Variants in CEMIP observed in about 807,000 individuals in gnomAD.
The protein encoded by CEMIP is cell migration inducing hyaluronidase 1, also known as cell migration-inducing and hyaluronan-binding protein.
Under a neutral mutation model 156.9 loss-of-function variants are expected in CEMIP, and 105 were observed. The observed-to-expected ratio is 0.67, with a 90% confidence interval of 0.57 to 0.79. The LOEUF (loss-of-function observed/expected upper bound fraction) is 0.79, where lower values mean the gene tolerates loss of function less well. Ranked by LOEUF, CEMIP falls within the 30% of genes least tolerant of loss-of-function variation. CEMIP has a pLI of 0.00. For synonymous variants in CEMIP, 676 were observed against 668.4 expected, an observed-to-expected ratio of 1.01 and a Z score of -0.17; for missense variants, 1,457 against 1,769.4, an observed-to-expected ratio of 0.82 and a Z score of 3.17.
chr15:80,883,754 G>A (rs1344445964), intron 6 of CEMIP, among the ~76,000 whole-genome samples: 2 of 152,180 alleles, frequency 1.3e-5, no homozygotes, highest in African/African-American at 4.8e-5. Flanking sequence ...ACTCGGATCA[G>A]AGATATAAAT....
At chr15:80,882,038 G>A (rs1898679166) in intron 6 of CEMIP, among the ~76,000 whole-genome samples, 1 of 152,186 alleles carries the variant, frequency 6.6e-6, no homozygotes, top group African/African-American at 2.4e-5. Flanking sequence ...GACAAACAGA[G>A]ACAGAGCTAC....
At chr15:80,845,899 C>T (rs1206764900) in intron 1 of CEMIP, among the ~76,000 whole-genome samples, 1 of 152,144 alleles carries the variant, frequency 6.6e-6, no homozygotes, top group Admixed American at 6.5e-5. Context: ...CAGCACCTGC[C>T]CTCCTCCCTC....
At chr15:80,886,965 C>CA (rs1209900360) in intron 7 of CEMIP, among the ~76,000 whole-genome samples, 1 of 152,214 alleles carries the variant, frequency 6.6e-6, no homozygotes, top group Non-Finnish European at 1.5e-5. Flanking sequence ...TGCCATTTCA[C>CA]AAATTCCTTG....
chr15:80,848,368 T>TCTCCTGTGCTGAGTTAGGTAAGGG (rs1897615875), intron 1 of CEMIP, among the ~76,000 whole-genome samples: 1 of 152,170 alleles, frequency 6.6e-6, no homozygotes, highest in African/African-American at 2.4e-5. Flanking sequence ...CTGTTCCTGT[T>TCTCCTGTGCTGAGTTAGGTAAGGG]CCATGCTCTG....
intron 1 of CEMIP, among the ~76,000 whole-genome samples, chr15:80,865,475 C>T (rs532598567): frequency 3.3e-5 from 5 of 152,164 alleles, no homozygotes; most frequent in Admixed American, 1.3e-4. Context: ...CCACCGCGCC[C>T]GGCCAAGGAA....
chr15:80,795,171 G>A (rs1026932401), intron 1 of CEMIP, among the ~76,000 whole-genome samples: 1 of 152,112 alleles, frequency 6.6e-6, no homozygotes, highest in Non-Finnish European at 1.5e-5. Context: ...ACCATGCTCA[G>A]GACTGTGAAC....
At chr15:80,947,742 A>G (rs1444688258) in intron 29 of CEMIP, 7 of 153,532 alleles carry the variant, frequency 4.6e-5, no homozygotes, top group South Asian at 4.1e-4. Context: ...TTGCTATTCA[A>G]TGTTCAGCCT....
chr15:80,793,405 G>A (rs1225415700), intron 1 of CEMIP, among the ~76,000 whole-genome samples: 1 of 152,188 alleles, frequency 6.6e-6, no homozygotes, highest in Non-Finnish European at 1.5e-5. Flanking sequence ...TGTGGTGGGT[G>A]TTTTTCTCTT....
At chr15:80,912,810 T>C (rs1210578012) in intron 14 of CEMIP, among the ~76,000 whole-genome samples, 1 of 152,150 alleles carries the variant, frequency 6.6e-6, no homozygotes, top group African/African-American at 2.4e-5. Context: ...TTTGCTTCCT[T>C]CATTTTGGCT....
At chr15:80,866,061 G>C (rs1328831334) in intron 1 of CEMIP, among the ~76,000 whole-genome samples, 1 of 152,184 alleles carries the variant, frequency 6.6e-6, no homozygotes, top group East Asian at 1.9e-4. Flanking sequence ...GCTGCAATTG[G>C]CAAAGGCTTT....
At chr15:80,900,644 G>C (rs866310152) in intron 12 of CEMIP, among the ~76,000 whole-genome samples, 16 of 124,578 alleles carry the variant, frequency 1.3e-4, no homozygotes, top group South Asian at 5.1e-4. Context: ...GTGTGTGTGT[G>C]TGTGTCTGTG....
At chr15:80,820,576 C>T (rs1896887424) in intron 1 of CEMIP, among the ~76,000 whole-genome samples, 1 of 152,146 alleles carries the variant, frequency 6.6e-6, no homozygotes. Flanking sequence ...TGCTGACTAG[C>T]CAAGTGACCC....
rs181032494 is a variant in CEMIP at position 80,926,955 on chromosome 15, C to A, written c.2420+1200C>A. Among the ~76,000 whole-genome samples, 522 of 152,010 alleles carry A rather than the reference C, an allele frequency of 3.4e-3. 6 individuals carry two copies. Among genetic ancestry groups the A allele is most frequent in the African/African-American group, 0.012 (484 of 41,458 alleles). ...AAGCAATTCTCCTGCCTCAGCCTCCCGAGTAGCTGGGATTACAAGCGTGCA... is the reference window on the plus strand; with the variant it reads ...AAGCAATTCTCCTGCCTCAGCCTCCAGAGTAGCTGGGATTACAAGCGTGCA... On this transcript the variant is annotated intron_variant, in intron 19 of 29. Coordinates refer to ENST00000394685, the MANE Select transcript of CEMIP (RefSeq NM_001293298.2).
chr15:80,876,353 G>T (rs991786215), intron 3 of CEMIP, among the ~76,000 whole-genome samples: 1 of 152,174 alleles, frequency 6.6e-6, no homozygotes, highest in Non-Finnish European at 1.5e-5. Context: ...TCACCGCAGA[G>T]AGCCCACCCC....
intron 21 of CEMIP, among the ~76,000 whole-genome samples, chr15:80,931,424 A>G (rs774303988): frequency 1.3e-4 from 20 of 152,192 alleles, no homozygotes; most frequent in Non-Finnish European, 2.6e-4. Flanking sequence ...TAACAGCTCT[A>G]TCTTCCCAAG....
rs187012273 is a variant in CEMIP, at chr15:80,910,360, G to A, written c.1797+1054G>A. ...GCCTACCGTGGCTGTTACAATTACT[G>A]TAAAACCCCAGGCCGGTGCCACTCC... On this transcript the variant is annotated intron_variant, in intron 14 of 29. Transcript: ENST00000394685. 1.1e-4 allele frequency among the ~76,000 whole-genome samples: 17 copies of A among 152,336 alleles called. No homozygotes were observed. In the East Asian group the frequency reaches 2.5e-3, roughly 23 times the overall value.
At chr15:80,862,629 G>T (rs545985469) in intron 1 of CEMIP, among the ~76,000 whole-genome samples, 116 of 152,340 alleles carry the variant, frequency 7.6e-4, no homozygotes, top group African/African-American at 2.7e-3. Flanking sequence ...GAGGTAGGAG[G>T]CAGCTTCCAG....
At chr15:80,938,108 TGACTCTAAGGCTG>T (rs1241316384) in intron 25 of CEMIP, 129 bp downstream of exon 25, 1 of 775,612 alleles carries the variant, frequency 1.3e-6, no homozygotes, top group African/African-American at 1.7e-5. Flanking sequence ...CTAGGCATTT[TGACTCTAAGGCTG>T]ACTGTCCCAT....
chr15:80,833,912 T>C (rs12441122), intron 1 of CEMIP, among the ~76,000 whole-genome samples: 82,392 of 152,008 alleles, frequency 0.54, 22,381 homozygotes, highest in East Asian at 0.6. Context: ...TCAAGTGATC[T>C]GCCTGCCTCA....
Sources: allele counts gnomAD v4.1 joint callset (sites outside exome capture counted in the v4.1 genomes callset), GRCh38; gene constraint gnomAD v4.1.1; transcripts MANE v1.5; gene names NCBI Gene and HGNC (gene_info 2026-07-23, HGNC 2026-07-21).